SERPINB7: variants seen among roughly 807,000 people sequenced by gnomAD.
SERPINB7 encodes the protein serpin family B member 7.
SERPINB7 carries 31 observed loss-of-function variants against 37.4 expected under a neutral mutation model. The observed-to-expected ratio is 0.83, with a 90% CI of 0.62 to 1.12. SERPINB7 has a LOEUF of 1.12. Among genes scored for constraint, SERPINB7 ranks in the 50% most tolerant of loss-of-function variants. The pLI, the probability that SERPINB7 is intolerant of heterozygous loss-of-function variation, is 0.00. For synonymous variants in SERPINB7, 163 were observed against 166.1 expected (o/e 0.98, Z 0.14); for missense variants, 521 against 455.3 (o/e 1.14, Z -1.31).
intron 2 of SERPINB7, among the ~76,000 whole-genome samples, chr18:63,791,890 C>G (rs12964864): frequency 0.017 from 2,538 of 152,178 alleles, 35 homozygotes; most frequent in Middle Eastern, 0.027. Context: ...GATTACAGGC[C>G]TGAGCCACCG....
Position 63,804,332 on chromosome 18 carries a change from G to T in SERPINB7, c.840G>T (p.Lys280Asn). 1 of 1,613,544 alleles carries T rather than the reference G, an allele frequency of 6.2e-7. No homozygotes were observed. Among genetic ancestry groups the T allele is most frequent in the Non-Finnish European group, 8.5e-7 (1 of 1,179,710 alleles). The change falls in exon 8 of 8, where the codon AAG (lysine) becomes AAT (asparagine). Residue 280 changes from lysine (K) to asparagine (N), a missense_variant. Physicochemically the swap from Lys to Asn is moderately conservative, Grantham distance 94. Transcript: ENST00000398019. ...KYVEVFFPQF[K>N]IEKNYEMKQY... ...TTGAGGTATTTTTTCCTCAGTTCAA[G>T]ATAGAGAAGAATTATGAAATGAAAC...
chr18:63,800,902 C>A lies in SERPINB7; in HGVS notation c.634C>A (p.Arg212=). The change falls in exon 7 of 8, where the codon CGG becomes AGG. Residue 212 remains arginine, a synonymous_variant. Transcript: ENST00000398019. The part of the protein sequence containing the change: ...GKAVAMMHQE[R]KFNLSVIEDP... ...GGCAGTCGCCATGATGCATCAGGAA[C>A]GGAAGTTCAATTTGTCTGTTATTGA... The A allele has an allele frequency of 6.2e-7, 1 of 1,613,870 alleles. No individual in the cohort carries two copies. Among genetic ancestry groups the A allele is most frequent in the South Asian group, 1.1e-5 (1 of 91,058 alleles).
intron 2 of SERPINB7, among the ~76,000 whole-genome samples, chr18:63,789,197 C>T (rs1476440159): frequency 6.6e-6 from 1 of 152,184 alleles, no homozygotes; most frequent in African/African-American, 2.4e-5. Context: ...CAAAGATTAG[C>T]GAGCTGGTCC....
chr18:63,757,943 G>C (rs140155516), intron 1 of SERPINB7, among the ~76,000 whole-genome samples: 2 of 152,188 alleles, frequency 1.3e-5, no homozygotes, highest in East Asian at 3.9e-4. Context: ...AGTACAAGTA[G>C]CTTCATCAGG....
At position 63,782,475 on chromosome 18, in the gene SERPINB7, C is replaced by T. The variant is rs1568207036; in HGVS notation, c.103C>T (p.Leu35Phe). 2 of 1,614,174 alleles carry T rather than the reference C, an allele frequency of 1.2e-6. No individual in the cohort carries two copies. Among genetic ancestry groups the T allele is most frequent in the Non-Finnish European group, 8.5e-7 (1 of 1,179,996 alleles). Residue 35 changes from leucine to phenylalanine, a missense_variant, in exon 2 of 8, where the codon CTC becomes TTC. Leu to Phe is a conservative substitution (Grantham distance 22). Coordinates refer to ENST00000398019, the MANE Select transcript of SERPINB7 (RefSeq NM_003784.4). Reference sequence around the variant, plus strand: ...AAATGTGTTCTTTTCCTCTCTGAGCCTCTTCGCTGCCCTGGCCCTGGTCCG... The same window carrying T: ...AAATGTGTTCTTTTCCTCTCTGAGCTTCTTCGCTGCCCTGGCCCTGGTCCG... ...NGNVFFSSLS[L>F]FAALALVRLG...
At chr18:63,804,171 T>C (rs2049579514) in intron 7 of SERPINB7, 66 bp from the exon 8 acceptor site, 3 of 1,162,454 alleles carry the variant, frequency 2.6e-6, no homozygotes, top group East Asian at 4.7e-5. Context: ...TATGTATCTC[T>C]GTAGCTATTG....
chr18:63,755,633 C>A (rs1340686143), intron 1 of SERPINB7, among the ~76,000 whole-genome samples: 1 of 152,074 alleles, frequency 6.6e-6, no homozygotes, highest in Non-Finnish European at 1.5e-5. Flanking sequence ...TGACTCAGTC[C>A]TGTAACCACA....
rs1200340375 is a variant in SERPINB7 at position 63,783,186 on chromosome 18, AAGAGAGAGAGAGAGAGAGAG to A, written c.168+676_168+695del. On this transcript the variant is annotated intron_variant, in intron 2 of 7. Transcript: ENST00000398019. ...CAAAAAGAAAATAAAGAAAGAAAGA[AAGAGAGAGAGAGAGAGAGAG>A]AGAGAGAGAGAGAGAGAGAGAGAGA... Among the ~76,000 whole-genome samples, 250 of 75,302 alleles carry A rather than the reference AAGAGAGAGAGAGAGAGAGAG, an allele frequency of 3.3e-3. 4 individuals carry two copies. The highest frequency in any genetic ancestry group is 3.9e-3 in the South Asian group (8 of 2,036). 49.4% of individuals were successfully genotyped at this position (75,302 alleles called of 152,430 possible). A position where few individuals can be genotyped will look rare whatever the true frequency, so the allele number is the denominator to read the frequency against.
rs150371365 is a variant in SERPINB7, at chr18:63,760,120, T to A, written c.-19+7000T>A. Among the ~76,000 whole-genome samples the A allele has an allele frequency of 1.1e-4, 16 of 152,316 alleles. No homozygotes were observed. The East Asian group carries it at 3.1e-3, about 29-fold the overall frequency. ...AGTTTGGAACTTCCTAGAGACTTGATGAATGGCTTTGCCCAAAATGCTGAT... is the reference window on the plus strand; with the variant it reads ...AGTTTGGAACTTCCTAGAGACTTGAAGAATGGCTTTGCCCAAAATGCTGAT... On this transcript the variant is annotated intron_variant, in intron 1 of 7. Transcript: ENST00000336429.
intron 1 of SERPINB7, among the ~76,000 whole-genome samples, chr18:63,778,603 G>A (rs920622984): frequency 1.3e-5 from 2 of 152,002 alleles, no homozygotes; most frequent in Non-Finnish European, 2.9e-5. Flanking sequence ...ATAACTTTAT[G>A]TTTTATTGAA....
rs551289657 is a variant in SERPINB7 at position 63,760,996 on chromosome 18, G to C, written c.-19+7876G>C. Among the ~76,000 whole-genome samples the C allele has an allele frequency of 7.2e-5, 11 of 152,364 alleles. No homozygotes were observed. In the South Asian group the frequency reaches 2.3e-3, roughly 32 times the overall value. On this transcript the variant is annotated intron_variant, in intron 1 of 7. Transcript: ENST00000336429. ...CTGGGCTACTGCCTAGTGGGGCTGT[G>C]AGAAGAGGGCCACTGTCCTTCAGAC...
chr18:63,771,572 C>T (rs747319464), upstream of SERPINB7, among the ~76,000 whole-genome samples: 1 of 151,946 alleles, frequency 6.6e-6, no homozygotes, highest in Non-Finnish European at 1.5e-5. Flanking sequence ...TTCTTAAAGA[C>T]AGAATTGATA....
At chr18:63,772,727 G>T (rs2049218248), upstream of SERPINB7, among the ~76,000 whole-genome samples, 2 of 152,072 alleles carry the variant, frequency 1.3e-5, no homozygotes, top group Admixed American at 6.6e-5. Flanking sequence ...ACTAGAAAAG[G>T]TAGCACTGAT....
intron 5 of SERPINB7, among the ~76,000 whole-genome samples, chr18:63,798,217 A>G (rs1264470812): frequency 6.6e-6 from 1 of 152,242 alleles, no homozygotes; most frequent in African/African-American, 2.4e-5. Flanking sequence ...GAAGTACTGT[A>G]GTAGCAAAAG....
At chr18:63,758,014 C>T (rs146351042) in intron 1 of SERPINB7, among the ~76,000 whole-genome samples, 1 of 152,282 alleles carries the variant, frequency 6.6e-6, no homozygotes, top group East Asian at 1.9e-4. Context: ...CTTTGTGTTA[C>T]TATCACATTG....
In SERPINB7 at chr18:63,791,527, C is replaced by T. The variant is rs754192212; in HGVS notation, c.169-866C>T. 1.6e-4 allele frequency among the ~76,000 whole-genome samples: 24 copies of T among 152,000 alleles called. 1 individual carries two copies. Among genetic ancestry groups the T allele is most frequent in the Middle Eastern group, 6.3e-3 (2 of 316 alleles). ...AATTGATGACCTAATTTGTATTGGC[C>T]CAAATGTTAAAATTATAGCTGCCCA... On this transcript the variant is annotated intron_variant, in intron 2 of 7. Coordinates refer to ENST00000398019, the MANE Select transcript of SERPINB7 (RefSeq NM_003784.4).
chr18:63,769,601 G>GATTTA (rs1293811614), intron 1 of SERPINB7, among the ~76,000 whole-genome samples: 3 of 152,074 alleles, frequency 2.0e-5, no homozygotes, highest in Admixed American at 6.6e-5. Context: ...TTTTTAAATA[G>GATTTA]ACAGCAATGG....
upstream of SERPINB7, chr18:63,775,263 C>T (rs1832299493): frequency 6.6e-6 from 1 of 152,140 alleles, no homozygotes; most frequent in Admixed American, 6.5e-5. Context: ...CTCCTGAAAT[C>T]TGATTCACAT....
upstream of SERPINB7, among the ~76,000 whole-genome samples, chr18:63,772,632 T>C (rs901763087): frequency 1.3e-5 from 2 of 152,158 alleles, no homozygotes; most frequent in Admixed American, 6.5e-5. Context: ...AAGTGAACTT[T>C]AATTTGCTTC....
Sources: gnomAD v4.1 joint callset for allele counts (sites outside exome capture counted in the v4.1 genomes callset) on GRCh38, gnomAD v4.1.1 for gene constraint, MANE v1.5 for transcripts, NCBI Gene and HGNC (gene_info 2026-07-23, HGNC 2026-07-21) for gene names.